Variants in CTTN observed in about 807,000 individuals in gnomAD.
CTTN encodes src substrate cortactin.
A neutral mutation model predicts 84.0 loss-of-function variants in CTTN; 28 were observed. That is an observed-to-expected ratio of 0.33 (90% CI 0.25 to 0.46). The LOEUF (loss-of-function observed/expected upper bound fraction) is 0.46. Ranked by LOEUF, CTTN falls within the 20% of genes least tolerant of loss-of-function variation. CTTN has a pLI of 1.00. For synonymous variants in CTTN, 301 were observed against 288.8 expected (o/e 1.04, Z -0.43); for missense variants, 641 against 723.8 (o/e 0.89, Z 1.31).
At chr11:70,433,315 C>T (rs781034933) in intron 16 of CTTN, 37 bp downstream of exon 16, 1 of 1,557,244 alleles carries the variant, frequency 6.4e-7, no homozygotes, top group South Asian at 1.2e-5. Flanking sequence ...CTGCCCAGGG[C>T]AGGGAGCTCC....
chr11:70,420,658 C>T (rs879648029), intron 10 of CTTN, 148 bp downstream of exon 10: 44 of 666,858 alleles, frequency 6.6e-5, no homozygotes, highest in Non-Finnish European at 1.1e-4. Context: ...CCCCCCCAAT[C>T]CCCCAGTTCC....
At chr11:70,413,882 A>G (rs1234089473) in intron 5 of CTTN, among the ~76,000 whole-genome samples, 1 of 152,174 alleles carries the variant, frequency 6.6e-6, no homozygotes, top group Non-Finnish European at 1.5e-5. Flanking sequence ...ACTTCAGTAG[A>G]TGCCAGCAGT....
In CTTN at chr11:70,422,968, T is replaced by C. The variant is rs1002173543; in HGVS notation, c.930T>C (p.Tyr310=). ...ACTCCAAAGGATTCGGCGGGAAGTATGGGGTGCAGAAGGATCGGATGGATA... is the reference window on the plus strand; with the variant it reads ...ACTCCAAAGGATTCGGCGGGAAGTACGGGGTGCAGAAGGATCGGATGGATA... ...QDYSKGFGGK[Y]GVQKDRMDKN... Residue 310 remains tyrosine, a synonymous_variant, in exon 12 of 18, where the codon TAT becomes TAC. Transcript: ENST00000301843. 3 of 1,613,992 alleles carry C rather than the reference T, an allele frequency of 1.9e-6. No homozygotes were observed. The highest frequency in any genetic ancestry group is 1.1e-5 in the South Asian group (1 of 91,062).
At chr11:70,431,133 G>T in intron 14 of CTTN, 58 bp from the exon 15 acceptor site, 1 of 1,528,382 alleles carries the variant, frequency 6.5e-7, no homozygotes, top group South Asian at 1.1e-5. Flanking sequence ...AACACGGCAG[G>T]CGTGACAGTG....
At chr11:70,409,251 C>T (rs2058074983) in intron 4 of CTTN, among the ~76,000 whole-genome samples, 1 of 152,198 alleles carries the variant, frequency 6.6e-6, no homozygotes, top group African/African-American at 2.4e-5. Flanking sequence ...TCAATGACAG[C>T]TGTGTCTGGC....
At chr11:70,433,536 C>T in intron 16 of CTTN, 111 bp from the exon 17 acceptor site, 3 of 930,296 alleles carry the variant, frequency 3.2e-6, no homozygotes, top group African/African-American at 1.6e-5. Context: ...GTTTCAGCTG[C>T]CGCCCTGTGT....
intron 13 of CTTN, among the ~76,000 whole-genome samples, chr11:70,428,230 A>G (rs1455921823): frequency 1.5e-5 from 2 of 134,334 alleles, no homozygotes; most frequent in Admixed American, 9.2e-5. Flanking sequence ...CAGTGGCACA[A>G]TCTCGGCTCA....
chr11:70,415,816 T>G, intron 7 of CTTN, 99 bp downstream of exon 7: 2 of 1,206,040 alleles, frequency 1.7e-6, no homozygotes, highest in East Asian at 4.7e-5. Flanking sequence ...GGGGCCCTGA[T>G]GGGGAGAGTC....
intron 5 of CTTN, among the ~76,000 whole-genome samples, chr11:70,414,073 C>T (rs1414761025): frequency 2.0e-5 from 3 of 152,266 alleles, no homozygotes; most frequent in East Asian, 1.9e-4. Flanking sequence ...GGGCTGGGCG[C>T]GGTGTCTCAC....
Position 70,407,334 on chromosome 11 carries a change from G to T in CTTN, c.37G>T (p.Ala13Ser). ...KASAGHAVSIAQDDAGADDWE... is the reference protein window; with the variant it reads ...KASAGHAVSISQDDAGADDWE... Reference sequence around the variant, plus strand: ...TTCAGCAGGCCACGCTGTGTCCATCGCCCAGGATGACGCGGGGGCCGATGA... The same window carrying T: ...TTCAGCAGGCCACGCTGTGTCCATCTCCCAGGATGACGCGGGGGCCGATGA... Residue 13 changes from alanine to serine, a missense_variant, in exon 3 of 18, where the codon GCC becomes TCC. Coordinates refer to ENST00000301843, the MANE Select transcript of CTTN (RefSeq NM_005231.4). 6.4e-7 allele frequency: 1 copy of T among 1,558,500 alleles called. No individual in the cohort carries two copies. Among genetic ancestry groups the T allele is most frequent in the African/African-American group, 1.4e-5 (1 of 73,350 alleles).
chr11:70,434,968 T>G, intron 17 of CTTN, 58 bp from the exon 18 acceptor site: 2 of 1,592,812 alleles, frequency 1.3e-6, no homozygotes, highest in Non-Finnish European at 1.7e-6. Flanking sequence ...GTGCTTTTTT[T>G]CTGGCAGACC....
chr11:70,429,520 T>A (rs1293606771), intron 14 of CTTN, among the ~76,000 whole-genome samples: 1 of 152,106 alleles, frequency 6.6e-6, no homozygotes, highest in South Asian at 2.1e-4. Context: ...TCCACGGGGC[T>A]CCTGTCCAAA....
intron 6 of CTTN, 147 bp from the exon 7 acceptor site, chr11:70,415,516 C>A: frequency 2.6e-6 from 2 of 768,590 alleles, no homozygotes; most frequent in Non-Finnish European, 2.3e-6. Flanking sequence ...GCGTCACTGC[C>A]ACCTGCACCT....
chr11:70,401,878 C>T (rs1440317734), intron 1 of CTTN, among the ~76,000 whole-genome samples: 2 of 151,512 alleles, frequency 1.3e-5, no homozygotes, highest in Non-Finnish European at 2.9e-5. Context: ...CTTTTAGGCG[C>T]GGTGGTTCGT....
At chr11:70,423,105 T>C in intron 12 of CTTN, 110 bp downstream of exon 12, 2 of 1,326,266 alleles carry the variant, frequency 1.5e-6, no homozygotes, top group African/African-American at 1.4e-5. Flanking sequence ...CACAAGTGAT[T>C]TCCGTCGTGG....
At chr11:70,424,128 G>A (rs2058274996) in intron 12 of CTTN, among the ~76,000 whole-genome samples, 1 of 152,148 alleles carries the variant, frequency 6.6e-6, no homozygotes, top group Admixed American at 6.5e-5. Flanking sequence ...GGGTCCGGGT[G>A]GCGTGCAGAG....
At chr11:70,411,906 C>G (rs567447697) in intron 5 of CTTN, among the ~76,000 whole-genome samples, 4 of 152,284 alleles carry the variant, frequency 2.6e-5, no homozygotes, top group Admixed American at 6.5e-5. Context: ...GACTTGTCAT[C>G]CTCACCTTGT....
In CTTN at chr11:70,433,649, G is replaced by A. The variant is rs2058380655; in HGVS notation, c.1447G>A (p.Asp483Asn). The A allele has an allele frequency of 6.2e-7, 1 of 1,610,516 alleles. No homozygotes were observed. Among genetic ancestry groups the A allele is most frequent in the Non-Finnish European group, 8.5e-7 (1 of 1,176,812 alleles). The change falls in exon 17 of 18, where the codon GAC (aspartate) becomes AAC (asparagine). Residue 483 changes from aspartate (D) to asparagine (N), a missense_variant and splice_region_variant. Physicochemically the swap from Asp to Asn is conservative, Grantham distance 23. Around this residue, in one of 3 missense-constraint regions of CTTN, gnomAD observed 68 missense variants for 102.2 expected, o/e 0.67. Transcript: ENST00000301843. Reference sequence around the variant, plus strand: ...GCTCTGTCATGGCTTTCTTTTAGAGGACAGCACCTACGATGAGTACGAGAA... The same window carrying A: ...GCTCTGTCATGGCTTTCTTTTAGAGAACAGCACCTACGATGAGTACGAGAA... ...AEAPGHYPAE[D>N]STYDEYENDL...
At chr11:70,419,027 G>A (rs2058198008) in intron 8 of CTTN, among the ~76,000 whole-genome samples, 1 of 151,404 alleles carries the variant, frequency 6.6e-6, no homozygotes, top group Admixed American at 6.6e-5. Context: ...CGCCCACCTT[G>A]GCCTCCCAAA....
Sources: gnomAD v4.1 joint callset for allele counts (sites outside exome capture counted in the v4.1 genomes callset) on GRCh38, gnomAD v4.1.1 for gene constraint, gnomAD v4.1.1 regional missense constraint, MANE v1.5 for transcripts, NCBI Gene and HGNC (gene_info 2026-07-23, HGNC 2026-07-21) for gene names.